ZC2HC1C: variants seen among roughly 807,000 people sequenced by gnomAD.
ZC2HC1C encodes the protein zinc finger C2HC domain-containing protein 1C.
A neutral mutation model predicts 39.2 loss-of-function variants in ZC2HC1C; 25 were observed. That is an observed-to-expected ratio of 0.64 (90% CI 0.47 to 0.89). The LOEUF is 0.89. Among genes scored for constraint, ZC2HC1C ranks in the 40% least tolerant of loss-of-function variants. The probability of loss-of-function intolerance (pLI) is 0.00; values close to 1 mark genes in which losing one functional copy is unlikely to be tolerated. For missense variants in ZC2HC1C, 519 were observed against 548.6 expected (o/e 0.95, Z 0.54); for synonymous variants, 209 against 214.4 (o/e 0.97, Z 0.22).
At chr14:75,073,717 T>C (rs1194165286) in intron 2 of ZC2HC1C, 4 of 922,980 alleles carry the variant, frequency 4.3e-6, no homozygotes, top group Admixed American at 4.8e-5. Flanking sequence ...GTAAGCATTT[T>C]TGAGGACAGG....
In ZC2HC1C at chr14:75,078,764, C is replaced by T. The variant is rs1165640099; in HGVS notation, c.*1200C>T. 6.6e-6 allele frequency: 1 copy of T among 152,204 alleles called. No homozygotes were observed. The highest frequency in any genetic ancestry group is 2.4e-5 in the African/African-American group (1 of 41,446). The allele number at this position is 152,204 out of a possible 1,614,324, so 9.4% of individuals were successfully genotyped here. A position where few individuals can be genotyped will look rare whatever the true frequency, so the allele number is the denominator to read the frequency against. On this transcript the variant is annotated 3_prime_UTR_variant, in exon 3 of 3. Coordinates refer to ENST00000524913, the MANE Select transcript of ZC2HC1C (RefSeq NM_024643.4). ...ACAAAGCTGGGACACTGCACAGTGT[C>T]ACATGCCCTTGGCAATTATAGCATA...
Position 75,078,928 on chromosome 14 carries a change from G to A in ZC2HC1C, c.*1364G>A, listed in dbSNP as rs1383435384. The A allele has an allele frequency of 6.6e-6, 1 of 152,114 alleles. No individual in the cohort carries two copies. Among genetic ancestry groups the A allele is most frequent in the South Asian group, 2.1e-4 (1 of 4,816 alleles). The allele number at this position is 152,114 out of a possible 1,614,324, so 9.4% of individuals were successfully genotyped here. ...GAGATTTAAAATTAAACAAGAAGAT[G>A]AGTGAGTCCTACACTAGTGAAATCA... On this transcript the variant is annotated 3_prime_UTR_variant, in exon 3 of 3. Transcript: ENST00000524913.
At position 75,070,599 on chromosome 14, in the gene ZC2HC1C, C is replaced by A. The variant is rs1893320212; in HGVS notation, c.26C>A (p.Ser9Ter). The A allele has an allele frequency of 6.2e-7, 1 of 1,612,678 alleles. No individual in the cohort carries two copies. Among genetic ancestry groups the A allele is most frequent in the East Asian group, 2.2e-5 (1 of 44,864 alleles). MAGLQRLA[S>*]HLPVGVMLPH... ...ATGGCTGGTCTCCAGCGGTTGGCGT[C>A]ACATCTGCCTGTGGGCGTTATGCTC... Residue 9 changes from serine to a stop codon, truncating the protein, a stop_gained, in exon 2 of 3, where the codon TCA becomes TAA. Transcript: ENST00000524913. LOFTEE classifies it high-confidence loss of function.
intron 2 of ZC2HC1C, among the ~76,000 whole-genome samples, chr14:75,074,431 TGACCTATAATG>T (rs1893571861): frequency 6.6e-6 from 1 of 152,222 alleles, no homozygotes; most frequent in African/African-American, 2.4e-5. Context: ...TAGTACTGAA[TGACCTATAATG>T]GAACCCCTAA....
In ZC2HC1C at chr14:75,077,813, CTT is replaced by C; in HGVS notation, c.*252_*253del. 1.9e-6 allele frequency: 1 copy of C among 515,182 alleles called. No individual in the cohort carries two copies. Among genetic ancestry groups the C allele is most frequent in the South Asian group, 2.4e-5 (1 of 40,936 alleles). The allele number at this position is 515,182 out of a possible 1,614,324, so 31.9% of individuals were successfully genotyped here. A position where few individuals can be genotyped will look rare whatever the true frequency, so the allele number is the denominator to read the frequency against. On this transcript the variant is annotated 3_prime_UTR_variant, in exon 3 of 3. Transcript: ENST00000524913. ...ATAGTTGAGCAGACAACAATGGAAA[CTT>C]TTGGATAGTTCAGAAAGCTCTGCTT...
At chr14:75,075,098 T>C (rs1036136848) in intron 2 of ZC2HC1C, among the ~76,000 whole-genome samples, 5 of 152,336 alleles carry the variant, frequency 3.3e-5, no homozygotes, top group Non-Finnish European at 5.9e-5. Flanking sequence ...TATGTTTTCA[T>C]TTCCTTCATT....
chr14:75,075,533 A>C (rs999054540), intron 2 of ZC2HC1C, among the ~76,000 whole-genome samples: 1 of 152,220 alleles, frequency 6.6e-6, no homozygotes, highest in Non-Finnish European at 1.5e-5. Flanking sequence ...TAGAACTTTT[A>C]AAGTATTTCC....
chr14:75,074,188 A>C (rs370245641), intron 2 of ZC2HC1C, among the ~76,000 whole-genome samples: 1 of 152,110 alleles, frequency 6.6e-6, no homozygotes, highest in African/African-American at 2.4e-5. Context: ...GATTACATGC[A>C]TGAGCCACCG....
In ZC2HC1C at chr14:75,071,589, G is replaced by T. The variant is rs780067829; in HGVS notation, c.1016G>T (p.Arg339Leu). Reference protein sequence around the residue: ...ERLVASNNKIRDPVSEPSVEK... With the variant: ...ERLVASNNKILDPVSEPSVEK... The stretch of plus-strand genomic sequence containing the variant: ...CTGGTAGCAAGCAATAATAAAATTC[G>T]AGACCCAGTCTCAGAGCCATCGGTG... The change falls in exon 2 of 3, where the codon CGA (arginine) becomes CTA (leucine). Residue 339 changes from arginine to leucine, a missense_variant. Arg to Leu is a moderately radical substitution (Grantham distance 102). Coordinates refer to ENST00000524913, the MANE Select transcript of ZC2HC1C (RefSeq NM_024643.4). 6.2e-7 allele frequency: 1 copy of T among 1,614,110 alleles called. No homozygotes were observed. The highest frequency in any genetic ancestry group is 8.5e-7 in the Non-Finnish European group (1 of 1,180,008).
chr14:75,076,600 A>C (rs1236867490), intron 2 of ZC2HC1C, among the ~76,000 whole-genome samples: 2 of 152,082 alleles, frequency 1.3e-5, no homozygotes, highest in Non-Finnish European at 2.9e-5. Context: ...TTAGCTATCA[A>C]AGTTTTAATT....
chr14:75,070,970 G>C lies in ZC2HC1C; in HGVS notation c.397G>C (p.Val133Leu). 1 of 1,614,154 alleles carries C rather than the reference G, an allele frequency of 6.2e-7. No homozygotes were observed. The highest frequency in any genetic ancestry group is 8.5e-7 in the Non-Finnish European group (1 of 1,180,042). Residue 133 changes from valine to leucine, a missense_variant, in exon 2 of 3, where the codon GTT becomes CTT. Coordinates refer to ENST00000524913, the MANE Select transcript of ZC2HC1C (RefSeq NM_024643.4). ...QDFIPFTKKR[V>L]GVDRAFPLKP... ...CTTTATCCCCTTTACAAAGAAACGA[G>C]TTGGAGTGGACCGGGCGTTCCCATT...
At chr14:75,075,668 CTT>C (rs1363865677) in intron 2 of ZC2HC1C, among the ~76,000 whole-genome samples, 1 of 152,070 alleles carries the variant, frequency 6.6e-6, no homozygotes, top group Non-Finnish European at 1.5e-5. Context: ...AATTCTGAAA[CTT>C]TACAATAATT....
chr14:75,077,164 C>G (rs1893711575), intron 2 of ZC2HC1C, among the ~76,000 whole-genome samples: 1 of 152,166 alleles, frequency 6.6e-6, no homozygotes, highest in Non-Finnish European at 1.5e-5. Flanking sequence ...TCAATTTCTC[C>G]AGAGAATAAA....
At position 75,071,470 on chromosome 14, in the gene ZC2HC1C, C is replaced by T. The variant is rs765078924; in HGVS notation, c.897C>T (p.Asp299=). The T allele has an allele frequency of 6.8e-6, 11 of 1,614,032 alleles. No individual in the cohort carries two copies. In the East Asian group the frequency reaches 2.5e-4, roughly 36 times the overall value. ...EFEFEEEFSR[D]RREDETWGRS... is the part of the protein sequence containing the mutation. Reference sequence around the variant, plus strand: ...AGTTTGAGGAAGAATTTAGTAGAGACAGGAGAGAGGATGAAACTTGGGGAC... The same window carrying T: ...AGTTTGAGGAAGAATTTAGTAGAGATAGGAGAGAGGATGAAACTTGGGGAC... Residue 299 remains aspartate, a synonymous_variant, in exon 2 of 3, where the codon GAC becomes GAT. Transcript: ENST00000524913.
chr14:75,076,371 C>A (rs1893668673), intron 2 of ZC2HC1C, among the ~76,000 whole-genome samples: 1 of 152,058 alleles, frequency 6.6e-6, no homozygotes, highest in South Asian at 2.1e-4. Flanking sequence ...TAGGTTCAAG[C>A]AATTCTCCTG....
Position 75,070,684 on chromosome 14 carries a change from A to G in ZC2HC1C, c.111A>G (p.Gln37=). The G allele has an allele frequency of 6.2e-7, 1 of 1,614,210 alleles. No individual in the cohort carries two copies. Among genetic ancestry groups the G allele is most frequent in the East Asian group, 2.2e-5 (1 of 44,884 alleles). The change falls in exon 2 of 3, where the codon CAA becomes CAG. Residue 37 remains glutamine (Q), a synonymous_variant. Coordinates refer to ENST00000524913, the MANE Select transcript of ZC2HC1C (RefSeq NM_024643.4). The part of the protein sequence containing the change: ...PHSAKQDSYE[Q]GDSSQQSLKG... ...CAGCCAAGCAAGACTCTTACGAACAAGGTGACTCTTCCCAGCAGTCCTTGA... is the reference window on the plus strand; with the variant it reads ...CAGCCAAGCAAGACTCTTACGAACAGGGTGACTCTTCCCAGCAGTCCTTGA...
chr14:75,070,704 C>T lies in ZC2HC1C; in HGVS notation c.131C>T (p.Ser44Phe). The change falls in exon 2 of 3, where the codon TCC becomes TTC. Residue 44 changes from serine to phenylalanine, a missense_variant. Physicochemically the swap from Ser to Phe is radical, Grantham distance 155. Coordinates refer to ENST00000524913, the MANE Select transcript of ZC2HC1C (RefSeq NM_024643.4). Reference protein sequence around the residue: ...SYEQGDSSQQSLKGHLRNNFQ... With the variant: ...SYEQGDSSQQFLKGHLRNNFQ... ...GAACAAGGTGACTCTTCCCAGCAGT[C>T]CTTGAAGGGGCACCTGAGGAACAAT... is the stretch of plus-strand genomic sequence containing the variant. The T allele has an allele frequency of 6.2e-7, 1 of 1,614,168 alleles. No individual in the cohort carries two copies. Among genetic ancestry groups the T allele is most frequent in the Admixed American group, 1.7e-5 (1 of 60,026 alleles).
rs1198216464 is a variant in ZC2HC1C at position 75,071,021 on chromosome 14, T to C, written c.448T>C (p.Cys150Arg). ...PLKPMVHRKSCSTGEAGTDGD... is the reference protein window; with the variant it reads ...PLKPMVHRKSRSTGEAGTDGD... ...GAAACCCATGGTCCACAGGAAGTCG[T>C]GCAGTACAGGTGAGGCTGGCACTGA... Residue 150 changes from cysteine to arginine, a missense_variant, in exon 2 of 3, where the codon TGC becomes CGC. Transcript: ENST00000524913. The C allele has an allele frequency of 6.2e-7, 1 of 1,614,036 alleles. No individual in the cohort carries two copies. Among genetic ancestry groups the C allele is most frequent in the Non-Finnish European group, 8.5e-7 (1 of 1,180,022 alleles).
chr14:75,070,849 C>T lies in ZC2HC1C; in HGVS notation c.276C>T (p.Ser92=). The change falls in exon 2 of 3, where the codon AGC becomes AGT. Residue 92 remains serine, a synonymous_variant. Transcript: ENST00000524913. ...CCTATCCCCACTGTACTGGAATCAG[C>T]CAGCAAGATCCAGAAAGTGATTCCC... ...SYSYPHCTGI[S]QQDPESDSQG... is the part of the protein sequence containing the mutation. The T allele has an allele frequency of 6.2e-7, 1 of 1,614,244 alleles. No individual in the cohort carries two copies. The highest frequency in any genetic ancestry group is 2.2e-5 in the East Asian group (1 of 44,888).
Sources: gnomAD v4.1 joint callset for allele counts (sites outside exome capture counted in the v4.1 genomes callset) on GRCh38, gnomAD v4.1.1 for gene constraint, MANE v1.5 for transcripts, NCBI Gene and HGNC (gene_info 2026-07-23, HGNC 2026-07-21) for gene names.